The following SHANK2 variants were observed in gnomAD, a reference collection of about 807,000 sequenced individuals.
SHANK2 encodes the protein SH3 and multiple ankyrin repeat domains protein 2.
A neutral mutation model predicts 133.7 loss-of-function variants in SHANK2; 43 were observed. The ratio of observed to expected loss-of-function variants is 0.32; its 90% CI spans 0.25 to 0.41. SHANK2 has a LOEUF of 0.41. SHANK2 is among the 10% of genes least tolerant of loss of function. SHANK2 has a pLI of 1.00. For synonymous variants in SHANK2, 1,017 were observed against 952.8 expected (o/e 1.07, Z -1.24); for missense variants, 1,994 against 2,235.8 (o/e 0.89, Z 2.18).
At chr11:71,096,721 G>C (rs980904720) in intron 6 of SHANK2, among the ~76,000 whole-genome samples, 3 of 152,198 alleles carry the variant, frequency 2.0e-5, no homozygotes, top group African/African-American at 7.2e-5. Flanking sequence ...AAACAGTTAG[G>C]ATTTTCTTTC....
chr11:70,519,936 C>G (rs1448211815), intron 17 of SHANK2, among the ~76,000 whole-genome samples: 2 of 141,142 alleles, frequency 1.4e-5, no homozygotes, highest in East Asian at 4.2e-4. Flanking sequence ...TTTTTAAAGG[C>G]AAGGTCTCAC....
At chr11:70,940,816 A>G (rs771246373) in intron 10 of SHANK2, among the ~76,000 whole-genome samples, 102 of 152,204 alleles carry the variant, frequency 6.7e-4, no homozygotes, top group Non-Finnish European at 3.8e-4. Context: ...TGGAGGGTGC[A>G]AGAAAAAAGG....
At chr11:71,087,627 TTTG>T (rs1236654031) in intron 8 of SHANK2, among the ~76,000 whole-genome samples, 60 of 151,756 alleles carry the variant, frequency 4.0e-4, no homozygotes, top group Non-Finnish European at 6.3e-4. Context: ...TTTAGCTGGT[TTTG>T]TTGTTGTTGT....
At chr11:71,117,555 C>T (rs1208151591) in intron 4 of SHANK2, among the ~76,000 whole-genome samples, 4 of 152,064 alleles carry the variant, frequency 2.6e-5, no homozygotes, top group African/African-American at 9.7e-5. Context: ...GACTCCCAGT[C>T]GCCCTGCTGA....
chr11:70,899,560 G>C (rs572170448), intron 10 of SHANK2, among the ~76,000 whole-genome samples: 1 of 152,314 alleles, frequency 6.6e-6, no homozygotes, highest in South Asian at 2.1e-4. Context: ...AGATAAGCAT[G>C]TCTCCAGGCC....
At chr11:70,593,781 T>C (rs781963493) in intron 17 of SHANK2, among the ~76,000 whole-genome samples, 1 of 152,232 alleles carries the variant, frequency 6.6e-6, no homozygotes, top group Non-Finnish European at 1.5e-5. Context: ...CTGGATCCCT[T>C]TGGCCTCAGC....
intron 3 of SHANK2, among the ~76,000 whole-genome samples, chr11:71,138,916 C>T (rs1952499773): frequency 6.6e-6 from 1 of 152,086 alleles, no homozygotes; most frequent in African/African-American, 2.4e-5. Context: ...TGAGGCAGCA[C>T]AGCGGGAATG....
intron 17 of SHANK2, among the ~76,000 whole-genome samples, chr11:70,582,627 GT>G (rs1352911229): frequency 1.3e-5 from 2 of 152,236 alleles, no homozygotes; most frequent in Non-Finnish European, 2.9e-5. Context: ...ACAGGTCCTG[GT>G]GGGCACCCAG....
chr11:71,140,584 T>C (rs557800270), intron 3 of SHANK2, among the ~76,000 whole-genome samples: 1 of 152,336 alleles, frequency 6.6e-6, no homozygotes, highest in East Asian at 1.9e-4. Flanking sequence ...ACGTGGCTGA[T>C]GAGAGCCTCC....
chr11:70,493,005 A>T (rs556279970), intron 21 of SHANK2, among the ~76,000 whole-genome samples: 2 of 151,738 alleles, frequency 1.3e-5, no homozygotes, highest in Admixed American at 1.3e-4. Flanking sequence ...CATGTTGGCC[A>T]GGCTGATCTT....
intron 17 of SHANK2, among the ~76,000 whole-genome samples, chr11:70,528,059 T>G (rs1287570674): frequency 6.6e-6 from 1 of 152,190 alleles, no homozygotes; most frequent in African/African-American, 2.4e-5. Flanking sequence ...CTCCCATCCC[T>G]GCAGATGATC....
At position 70,594,221 on chromosome 11, in the gene SHANK2, C is replaced by T. The variant is rs117470973; in HGVS notation, c.2061+65607G>A. Reference sequence around the variant, plus strand: ...GATATGATTCGGCCACAAAAAGGACCGCAGCTTTGACATGCCGGGGCGTGG... The same window carrying T: ...GATATGATTCGGCCACAAAAAGGACTGCAGCTTTGACATGCCGGGGCGTGG... On this transcript the variant is annotated intron_variant, in intron 17 of 25. Coordinates refer to ENST00000601538, the MANE Select transcript of SHANK2 (RefSeq NM_012309.5). Among the ~76,000 whole-genome samples the T allele has an allele frequency of 6.7e-3, 1,016 of 152,278 alleles. 17 individuals carry two copies. The highest frequency in any genetic ancestry group is 0.014 in the East Asian group (75 of 5,192).
chr11:71,118,710 G>A, intron 4 of SHANK2, 119 bp downstream of exon 4: 1 of 876,698 alleles, frequency 1.1e-6, no homozygotes, highest in African/African-American at 1.7e-5. Flanking sequence ...TTTTAAATGT[G>A]GGGATAATTT....
intron 5 of SHANK2, among the ~76,000 whole-genome samples, chr11:71,111,664 C>T (rs1427510223): frequency 5.3e-5 from 8 of 152,206 alleles, no homozygotes; most frequent in Admixed American, 2.0e-4. Flanking sequence ...GCCCTTCAAC[C>T]TCCTGGCACG....
intron 11 of SHANK2, among the ~76,000 whole-genome samples, chr11:70,836,334 G>T (rs782537198): frequency 4.3e-4 from 66 of 152,360 alleles, no homozygotes; most frequent in Non-Finnish European, 8.1e-4. Flanking sequence ...CACCCTTGCT[G>T]CTTGAGACCT....
At chr11:70,546,952 A>G (rs1196868009) in intron 17 of SHANK2, among the ~76,000 whole-genome samples, 1 of 151,892 alleles carries the variant, frequency 6.6e-6, no homozygotes, top group Non-Finnish European at 1.5e-5. Context: ...ATCAAATCCA[A>G]CTTTAGCAAG....
intron 15 of SHANK2, among the ~76,000 whole-genome samples, chr11:70,664,839 A>T (rs1016514154): frequency 4.6e-5 from 7 of 152,202 alleles, no homozygotes; most frequent in African/African-American, 7.2e-5. Flanking sequence ...GCGTGGTTCA[A>T]ATCCCAGCTT....
At chr11:70,703,528 C>T (rs1945589394) in intron 14 of SHANK2, among the ~76,000 whole-genome samples, 1 of 152,184 alleles carries the variant, frequency 6.6e-6, no homozygotes, top group African/African-American at 2.4e-5. Flanking sequence ...GCTTGGCCCC[C>T]TGGGACTTGC....
At chr11:71,200,829 A>AAT (rs1555116967) in intron 2 of SHANK2, among the ~76,000 whole-genome samples, 1 of 111,962 alleles carries the variant, frequency 8.9e-6, no homozygotes, top group Non-Finnish European at 1.7e-5. Flanking sequence ...AGTCTCAATT[A>AAT]ATACACACAC....
Sources: gnomAD v4.1 joint callset for allele counts (sites outside exome capture counted in the v4.1 genomes callset) on GRCh38, gnomAD v4.1.1 for gene constraint, MANE v1.5 for transcripts, NCBI Gene and HGNC (gene_info 2026-07-23, HGNC 2026-07-21) for gene names.